The following DCP2 variants were observed in gnomAD, a reference collection of about 807,000 sequenced individuals.
The protein encoded by DCP2 is decapping mRNA 2.
In DCP2, 30 loss-of-function variants were observed where a neutral mutation model predicts 56.1. That is an observed-to-expected ratio of 0.53 (90% CI 0.40 to 0.73). The LOEUF (loss-of-function observed/expected upper bound fraction) is 0.73. Ranked by LOEUF, DCP2 falls within the 30% of genes least tolerant of loss-of-function variation. The pLI, the probability that DCP2 is intolerant of heterozygous loss-of-function variation, is 0.00. For synonymous variants in DCP2, 197 were observed against 163.3 expected, an observed-to-expected ratio of 1.21 and a Z score of -1.57; for missense variants, 533 against 502.7, an observed-to-expected ratio of 1.06 and a Z score of -0.58.
In DCP2 at chr5:113,021,799, G is replaced by C. The variant is rs1750155271; in HGVS notation, c.*8315G>C. Among the ~76,000 whole-genome samples the C allele has an allele frequency of 6.6e-6, 1 of 152,134 alleles. No individual in the cohort carries two copies. Among genetic ancestry groups the C allele is most frequent in the African/African-American group, 2.4e-5 (1 of 41,426 alleles). On this transcript the variant is annotated 3_prime_UTR_variant, in exon 11 of 11. Coordinates refer to ENST00000389063, the MANE Select transcript of DCP2 (RefSeq NM_152624.6). ...TGCTTGCCATCTTGTTGTCCTATAT[G>C]ACTTCCTTGCATTTCCAGTCCTTGA...
chr5:112,995,468 G>A (rs1209705040), intron 4 of DCP2, among the ~76,000 whole-genome samples: 4 of 152,152 alleles, frequency 2.6e-5, no homozygotes, highest in East Asian at 1.9e-4. Context: ...CTGGTCTAAC[G>A]GCAGTAAGGT....
chr5:113,021,063 T>A lies in DCP2; in HGVS notation c.*7579T>A, dbSNP rs1342959334. The A allele has an allele frequency of 2.0e-5, 3 of 152,148 alleles. No homozygotes were observed. In the East Asian group the frequency reaches 5.8e-4, roughly 29 times the overall value. 9.4% of individuals were successfully genotyped at this position (152,148 alleles called of 1,614,324 possible). A position where few individuals can be genotyped will look rare whatever the true frequency, so the allele number is the denominator to read the frequency against. On this transcript the variant is annotated 3_prime_UTR_variant, in exon 11 of 11. Transcript: ENST00000389063. ...ACCAATAAAAATGGCAAGTATGAGA[T>A]GAACATGATAAAAGTATGTTTATAT...
rs1390679539 is a variant in DCP2, at chr5:113,018,513, G to A, written c.*5029G>A. 1 of 152,226 alleles carries A rather than the reference G, an allele frequency of 6.6e-6. No homozygotes were observed. The highest frequency in any genetic ancestry group is 1.5e-5 in the Non-Finnish European group (1 of 68,048). The allele number at this position is 152,226 out of a possible 1,614,324, so 9.4% of individuals were successfully genotyped here. On this transcript the variant is annotated 3_prime_UTR_variant, in exon 11 of 11. Transcript: ENST00000389063. ...GTCAAAGGTACTCTGAAGAGTGAATGCAGAAATCAGTTGGCTGTGTTTGTA... is the reference window on the plus strand; with the variant it reads ...GTCAAAGGTACTCTGAAGAGTGAATACAGAAATCAGTTGGCTGTGTTTGTA...
At chr5:112,988,324 A>G (rs1330284439) in intron 2 of DCP2, among the ~76,000 whole-genome samples, 1 of 150,468 alleles carries the variant, frequency 6.6e-6, no homozygotes, top group African/African-American at 2.4e-5. Context: ...CTACTAAAAA[A>G]AAAAAAAAAT....
At chr5:112,988,118 C>G (rs1748387350) in intron 2 of DCP2, among the ~76,000 whole-genome samples, 1 of 152,140 alleles carries the variant, frequency 6.6e-6, no homozygotes, top group East Asian at 1.9e-4. Flanking sequence ...AGTGATTGTT[C>G]TGTAACAGTT....
At chr5:112,993,321 A>G (rs181840384) in intron 4 of DCP2, among the ~76,000 whole-genome samples, 6 of 152,152 alleles carry the variant, frequency 3.9e-5, no homozygotes, top group Admixed American at 2.6e-4. Flanking sequence ...AACTTGATTG[A>G]TTTGTTTCGG....
At position 113,021,576 on chromosome 5, in the gene DCP2, A is replaced by ATACTT. The variant is rs895498164; in HGVS notation, c.*8093_*8097dup. Among the ~76,000 whole-genome samples, 6 of 152,186 alleles carry ATACTT rather than the reference A, an allele frequency of 3.9e-5. No homozygotes were observed. Among genetic ancestry groups the ATACTT allele is most frequent in the South Asian group, 2.1e-4 (1 of 4,830 alleles). ...GCTAGAATCAGGTTTTGCAATAGGAATACTTAACTTTGGATCTCAAGGGGG... is the reference window on the plus strand; with the variant it reads ...GCTAGAATCAGGTTTTGCAATAGGAATACTTTACTTAACTTTGGATCTCAAGGGGG... On this transcript the variant is annotated 3_prime_UTR_variant, in exon 11 of 11. Transcript: ENST00000389063.
intron 6 of DCP2, 21 bp downstream of exon 6, chr5:113,001,490 A>C: frequency 6.2e-7 from 1 of 1,610,618 alleles, no homozygotes; most frequent in East Asian, 2.2e-5. Context: ...ATTTCTTGAA[A>C]TGTAACTTTC....
At position 113,021,784 on chromosome 5, in the gene DCP2, CTTG is replaced by C. The variant is rs750852032; in HGVS notation, c.*8305_*8307del. On this transcript the variant is annotated 3_prime_UTR_variant, in exon 11 of 11. Transcript: ENST00000389063. The stretch of plus-strand genomic sequence containing the variant: ...GATGTGTTGCAAAGCTGCTTGCCAT[CTTG>C]TTGTCCTATATGACTTCCTTGCATT... 2.5e-4 allele frequency among the ~76,000 whole-genome samples: 38 copies of C among 152,336 alleles called. No homozygotes were observed. In the South Asian group the frequency reaches 3.5e-3, roughly 14 times the overall value.
Position 113,014,905 on chromosome 5 carries a change from G to A in DCP2, c.*1421G>A, listed in dbSNP as rs1040292547. The A allele has an allele frequency of 5.9e-5, 9 of 152,674 alleles. No individual in the cohort carries two copies. The highest frequency in any genetic ancestry group is 2.6e-4 in the Admixed American group (4 of 15,290). The allele number at this position is 152,674 out of a possible 1,614,324, so 9.5% of individuals were successfully genotyped here. ...TAATTGGGTTCCACTGAACCTCATGGGACTTTTAAAAGAAGGGCTATTTAA... is the reference window on the plus strand; with the variant it reads ...TAATTGGGTTCCACTGAACCTCATGAGACTTTTAAAAGAAGGGCTATTTAA... On this transcript the variant is annotated 3_prime_UTR_variant, in exon 11 of 11. Coordinates refer to ENST00000389063, the MANE Select transcript of DCP2 (RefSeq NM_152624.6).
intron 8 of DCP2, 123 bp downstream of exon 8, chr5:113,004,200 A>G (rs1382494939): frequency 3.6e-6 from 4 of 1,113,082 alleles, no homozygotes; most frequent in South Asian, 1.7e-5. Context: ...CAAAGCCTGT[A>G]TGTTCCTTAC....
In DCP2 at chr5:113,020,411, T is replaced by A. The variant is rs1035926971; in HGVS notation, c.*6927T>A. 6.6e-6 allele frequency: 1 copy of A among 152,254 alleles called. No individual in the cohort carries two copies. The highest frequency in any genetic ancestry group is 1.9e-4 in the East Asian group (1 of 5,198). 9.4% of individuals were successfully genotyped at this position (152,254 alleles called of 1,614,324 possible). A position where few individuals can be genotyped will look rare whatever the true frequency, so the allele number is the denominator to read the frequency against. On this transcript the variant is annotated 3_prime_UTR_variant, in exon 11 of 11. Coordinates refer to ENST00000389063, the MANE Select transcript of DCP2 (RefSeq NM_152624.6). Reference sequence around the variant, plus strand: ...TCAAGGGATTCTGTTCATGGTGGTATACAGTTCTTGGTGCTCTTTTGGAAA... The same window carrying A: ...TCAAGGGATTCTGTTCATGGTGGTAAACAGTTCTTGGTGCTCTTTTGGAAA...
At position 113,021,134 on chromosome 5, in the gene DCP2, C is replaced by G. The variant is rs1035459389; in HGVS notation, c.*7650C>G. On this transcript the variant is annotated 3_prime_UTR_variant, in exon 11 of 11. Transcript: ENST00000389063. ...GGTGCTCATACCTGTAATCCCAGCACTTTGGGAGGCTGAGTTGGGTGGATC... is the reference window on the plus strand; with the variant it reads ...GGTGCTCATACCTGTAATCCCAGCAGTTTGGGAGGCTGAGTTGGGTGGATC... 6.6e-6 allele frequency among the ~76,000 whole-genome samples: 1 copy of G among 152,096 alleles called. No individual in the cohort carries two copies. The highest frequency in any genetic ancestry group is 2.1e-4 in the South Asian group (1 of 4,828).
chr5:112,992,148 C>G lies in DCP2; in HGVS notation c.233C>G (p.Pro78Arg). The G allele has an allele frequency of 6.2e-7, 1 of 1,613,658 alleles. No individual in the cohort carries two copies. The highest frequency in any genetic ancestry group is 8.5e-7 in the Non-Finnish European group (1 of 1,179,874). ...AVFSHCPFLL[P>R]QGEDVEKVLD... is the part of the protein sequence containing the mutation. ...TTCAGTCATTGTCCGTTTTTGCTGC[C>G]TCAAGGTGAAGATGTGGAAAAAGTT... is the stretch of plus-strand genomic sequence containing the variant. Residue 78 changes from proline to arginine, a missense_variant, in exon 3 of 11, where the codon CCT (proline) becomes CGT (arginine). Pro to Arg is a moderately radical substitution (Grantham distance 103, BLOSUM62 -2). Around this residue, in one of 3 missense-constraint regions of DCP2, gnomAD observed 137 missense variants for 138.2 expected, o/e 0.99. Coordinates refer to ENST00000389063, the MANE Select transcript of DCP2 (RefSeq NM_152624.6).
intron 4 of DCP2, among the ~76,000 whole-genome samples, chr5:112,998,039 A>G (rs894208886): frequency 6.6e-6 from 1 of 152,372 alleles, no homozygotes; most frequent in Admixed American, 6.5e-5. Context: ...TTTGATTCAC[A>G]GGAGGTGTGG....
chr5:112,988,650 C>A lies in DCP2; in HGVS notation c.205+2664C>A, dbSNP rs187393963. ...GATTTCAAAGGAAGAAATGATCAAA[C>A]CGTTTGATTAAATGTGTAGAAGTTA... On this transcript the variant is annotated intron_variant, in intron 2 of 10. Transcript: ENST00000389063. Among the ~76,000 whole-genome samples, 160 of 152,162 alleles carry A rather than the reference C, an allele frequency of 1.1e-3. 3 individuals are homozygous for A. Among genetic ancestry groups the A allele is most frequent in the Admixed American group, 9.7e-3 (148 of 15,280 alleles).
At position 113,007,838 on chromosome 5, in the gene DCP2, A is replaced by G. The variant is rs567380739; in HGVS notation, c.943-100A>G. On this transcript the variant is annotated intron_variant, in intron 8 of 10. Transcript: ENST00000389063. ...AAATTTGGGTAGGAGAAGCTTTGCTAAAAACTTGGTTCAACCAGCTAAACA... is the reference window on the plus strand; with the variant it reads ...AAATTTGGGTAGGAGAAGCTTTGCTGAAAACTTGGTTCAACCAGCTAAACA... 4.3e-5 allele frequency: 45 copies of G among 1,046,782 alleles called. No homozygotes were observed. The East Asian group carries it at 5.7e-4, about 13-fold the overall frequency. The allele number at this position is 1,046,782 out of a possible 1,614,324, so 64.8% of individuals were successfully genotyped here. A position where few individuals can be genotyped will look rare whatever the true frequency, so the allele number is the denominator to read the frequency against.
chr5:113,001,748 A>C, intron 7 of DCP2, 74 bp downstream of exon 7: 1 of 1,378,250 alleles, frequency 7.3e-7, no homozygotes, highest in Non-Finnish European at 1.0e-6. Context: ...TTTGCTTCTA[A>C]AATTTGCAGA....
At chr5:112,996,548 C>T (rs1300634802) in intron 4 of DCP2, among the ~76,000 whole-genome samples, 3 of 152,116 alleles carry the variant, frequency 2.0e-5, no homozygotes, top group African/African-American at 7.2e-5. Context: ...GTATAATTGG[C>T]ATTCCAGAGG....
Sources: allele counts gnomAD v4.1 joint callset (sites outside exome capture counted in the v4.1 genomes callset), GRCh38; gene constraint gnomAD v4.1.1; regional missense constraint gnomAD v4.1.1; transcripts MANE v1.5; gene names NCBI Gene and HGNC (gene_info 2026-07-23, HGNC 2026-07-21).